PARVA: variants seen among roughly 807,000 people sequenced by gnomAD.
The protein encoded by PARVA is parvin alpha.
In PARVA, 25 loss-of-function variants were observed where a neutral mutation model predicts 52.6. The observed-to-expected ratio is 0.48, with a 90% CI of 0.35 to 0.66. PARVA has a LOEUF of 0.66. PARVA is among the 30% of genes least tolerant of loss of function. The pLI, the probability that PARVA is intolerant of heterozygous loss-of-function variation, is 0.01. For synonymous variants in PARVA, 185 were observed against 179.1 expected (o/e 1.03, Z -0.26); for missense variants, 373 against 450.9 (o/e 0.83, Z 1.56).
chr11:12,393,044 G>GAAAAAAAAAAAAAAAA (rs60966710), intron 1 of PARVA, among the ~76,000 whole-genome samples: 11 of 46,152 alleles, frequency 2.4e-4, no homozygotes, highest in African/African-American at 2.9e-4. Context: ...CCCAAATTGT[G>GAAAAAAAAAAAAAAAA]AAAAAAAAAA....
At chr11:12,388,732 T>G (rs1209782834) in intron 1 of PARVA, among the ~76,000 whole-genome samples, 2 of 152,052 alleles carry the variant, frequency 1.3e-5, no homozygotes, top group Non-Finnish European at 2.9e-5. Context: ...CTATGTATGT[T>G]GTAAAGATAA....
At chr11:12,473,192 G>A (rs1940956360) in intron 1 of PARVA, among the ~76,000 whole-genome samples, 1 of 152,166 alleles carries the variant, frequency 6.6e-6, no homozygotes, top group Admixed American at 6.5e-5. Context: ...CCAGAACTGA[G>A]GTATTTTTGA....
intron 4 of PARVA, among the ~76,000 whole-genome samples, chr11:12,493,644 A>G (rs1941260190): frequency 1.3e-5 from 2 of 152,098 alleles, no homozygotes; most frequent in African/African-American, 4.8e-5. Flanking sequence ...TAATTTTAGG[A>G]AGAATGCACT....
intron 12 of PARVA, among the ~76,000 whole-genome samples, chr11:12,519,010 A>C (rs548054316): frequency 6.6e-4 from 101 of 152,324 alleles, no homozygotes; most frequent in African/African-American, 2.4e-3. Context: ...GAAATGCAGA[A>C]GGGACAAGTG....
chr11:12,385,162 C>T (rs147036079), intron 1 of PARVA, among the ~76,000 whole-genome samples: 1 of 151,928 alleles, frequency 6.6e-6, no homozygotes, highest in African/African-American at 2.4e-5. Flanking sequence ...ATGGCGAAAC[C>T]CCATCTCTAC....
intron 4 of PARVA, among the ~76,000 whole-genome samples, chr11:12,484,896 TTGACCTCCC>T (rs1254870360): frequency 2.0e-5 from 3 of 151,318 alleles, no homozygotes; most frequent in Non-Finnish European, 4.4e-5. Context: ...CACTGCAGCC[TTGACCTCCC>T]TGGGCTCAGG....
rs772369647 is a variant in PARVA at position 12,534,500 on chromosome 11, GT to G, written c.*6576del. The stretch of plus-strand genomic sequence containing the variant: ...AAGGGCACTTGGGAAATTCAGAGAA[GT>G]ACCCATTATTAAGATAAATGATGTT... On this transcript the variant is annotated 3_prime_UTR_variant, in exon 13 of 13. Transcript: ENST00000334956. Among the ~76,000 whole-genome samples the G allele has an allele frequency of 1.4e-4, 22 of 152,320 alleles. No individual in the cohort carries two copies. The highest frequency in any genetic ancestry group is 3.9e-4 in the Admixed American group (6 of 15,308).
At chr11:12,448,702 G>C (rs187592245) in intron 1 of PARVA, among the ~76,000 whole-genome samples, 1 of 152,336 alleles carries the variant, frequency 6.6e-6, no homozygotes. Flanking sequence ...GCAGAACTGA[G>C]TTACAGCTGA....
At chr11:12,476,455 T>C (rs1941015766) in intron 3 of PARVA, among the ~76,000 whole-genome samples, 1 of 151,762 alleles carries the variant, frequency 6.6e-6, no homozygotes, top group Non-Finnish European at 1.5e-5. Flanking sequence ...GAATAGCCAC[T>C]GCATTCCAGC....
chr11:12,521,834 G>T (rs894946443), intron 12 of PARVA, among the ~76,000 whole-genome samples: 1 of 152,104 alleles, frequency 6.6e-6, no homozygotes, highest in African/African-American at 2.4e-5. Flanking sequence ...ACCCCAGAGG[G>T]TTAGAACATG....
At chr11:12,414,781 G>A (rs989750757) in intron 1 of PARVA, among the ~76,000 whole-genome samples, 1 of 152,156 alleles carries the variant, frequency 6.6e-6, no homozygotes, top group Non-Finnish European at 1.5e-5. Context: ...TTCTTACAGC[G>A]TTAGTTGCGT....
chr11:12,425,257 G>A (rs148437863), intron 1 of PARVA, among the ~76,000 whole-genome samples: 296 of 152,304 alleles, frequency 1.9e-3, no homozygotes, highest in African/African-American at 6.9e-3. Flanking sequence ...AGTTCAGCAA[G>A]CACTGCTGAA....
chr11:12,381,057 C>T (rs1392164451), intron 1 of PARVA, among the ~76,000 whole-genome samples: 1 of 152,114 alleles, frequency 6.6e-6, no homozygotes, highest in Non-Finnish European at 1.5e-5. Flanking sequence ...CACAGAACGT[C>T]TTCTGAAGGG....
At position 12,453,080 on chromosome 11, in the gene PARVA, C is replaced by T. The variant is rs1400574999; in HGVS notation, c.137-20665C>T. ...TGAACGTGCTGTGGTGGGAGCGATT[C>T]TTTGTTGGGGGGGCGCCCTGGCCAC... On this transcript the variant is annotated intron_variant, in intron 1 of 12. Coordinates refer to ENST00000334956, the MANE Select transcript of PARVA (RefSeq NM_018222.5). 53 of 453,588 alleles carry T rather than the reference C, an allele frequency of 1.2e-4. No individual in the cohort carries two copies. In the East Asian group the frequency reaches 3.4e-3, roughly 29 times the overall value. The allele number at this position is 453,588 out of a possible 1,614,324, so 28.1% of individuals were successfully genotyped here. A position where few individuals can be genotyped will look rare whatever the true frequency, so the allele number is the denominator to read the frequency against.
At chr11:12,522,415 T>TTTA (rs1396065359) in intron 12 of PARVA, among the ~76,000 whole-genome samples, 1 of 93,620 alleles carries the variant, frequency 1.1e-5, no homozygotes, top group Non-Finnish European at 2.2e-5. Flanking sequence ...AATCAAGAGC[T>TTTA]TTATTCTTTT....
At chr11:12,405,810 T>G (rs1049648585) in intron 1 of PARVA, among the ~76,000 whole-genome samples, 3 of 151,806 alleles carry the variant, frequency 2.0e-5, no homozygotes, top group African/African-American at 7.3e-5. Flanking sequence ...ATACAAAAAT[T>G]AGCTGGGCGC....
chr11:12,458,154 T>A (rs1196077566), intron 1 of PARVA, among the ~76,000 whole-genome samples: 2 of 152,230 alleles, frequency 1.3e-5, no homozygotes, highest in South Asian at 2.1e-4. Flanking sequence ...AGTGCTGTGA[T>A]CACGATTGTA....
chr11:12,455,001 G>A (rs983456653), intron 1 of PARVA, among the ~76,000 whole-genome samples: 5 of 152,108 alleles, frequency 3.3e-5, no homozygotes, highest in African/African-American at 1.2e-4. Context: ...CACTGCAGCT[G>A]GTGGACATCC....
At chr11:12,521,654 G>T (rs1007781887) in intron 12 of PARVA, among the ~76,000 whole-genome samples, 3 of 151,870 alleles carry the variant, frequency 2.0e-5, no homozygotes, top group Admixed American at 6.6e-5. Context: ...TTAAATTTAG[G>T]GTCTTGAGAT....
Sources: gnomAD v4.1 joint callset for allele counts (sites outside exome capture counted in the v4.1 genomes callset) on GRCh38, gnomAD v4.1.1 for gene constraint, MANE v1.5 for transcripts, NCBI Gene and HGNC (gene_info 2026-07-23, HGNC 2026-07-21) for gene names.